The following TMEM63C variants were observed in gnomAD, a reference collection of about 807,000 sequenced individuals.
TMEM63C encodes the protein transmembrane protein 63C, also known as osmosensitive cation channel TMEM63C.
A neutral mutation model predicts 99.2 loss-of-function variants in TMEM63C; 32 were observed. The observed-to-expected ratio is 0.32, with a 90% CI of 0.24 to 0.43. The LOEUF is 0.43. Among genes scored for constraint, TMEM63C ranks in the 20% least tolerant of loss-of-function variants. The pLI, the probability that TMEM63C is intolerant of heterozygous loss-of-function variation, is 1.00. For synonymous variants in TMEM63C, 376 were observed against 397.9 expected, an observed-to-expected ratio of 0.94 and a Z score of 0.66; for missense variants, 826 against 1,053.0, an observed-to-expected ratio of 0.78 and a Z score of 2.98.
intron 21 of TMEM63C, among the ~76,000 whole-genome samples, chr14:77,251,110 AG>A (rs968763250): frequency 6.6e-6 from 1 of 152,218 alleles, no homozygotes; most frequent in African/African-American, 2.4e-5. Context: ...GCAATTTCCT[AG>A]GTTGTTAAAA....
At chr14:77,191,316 C>G (rs1888100056) in intron 1 of TMEM63C, among the ~76,000 whole-genome samples, 1 of 152,074 alleles carries the variant, frequency 6.6e-6, no homozygotes, top group Non-Finnish European at 1.5e-5. Context: ...TAGTAGTAAA[C>G]ACCACCATAT....
At chr14:77,196,503 A>G (rs980640315) in intron 1 of TMEM63C, among the ~76,000 whole-genome samples, 3 of 152,160 alleles carry the variant, frequency 2.0e-5, no homozygotes, top group African/African-American at 2.4e-5. Flanking sequence ...TTTGGTTAGG[A>G]TGTCCTCTGT....
At chr14:77,208,155 G>T (rs1888435743) in intron 1 of TMEM63C, among the ~76,000 whole-genome samples, 1 of 152,216 alleles carries the variant, frequency 6.6e-6, no homozygotes, top group Non-Finnish European at 1.5e-5. Flanking sequence ...AACCAGGACT[G>T]GGACATGATG....
At chr14:77,202,833 A>T (rs1341378219) in intron 1 of TMEM63C, among the ~76,000 whole-genome samples, 1 of 22,494 alleles carries the variant, frequency 4.4e-5, no homozygotes, top group Non-Finnish European at 8.8e-5. Context: ...GCGCACACAC[A>T]CACACACACA....
chr14:77,190,362 GTTAT>G (rs1381206640), intron 1 of TMEM63C, among the ~76,000 whole-genome samples: 4 of 152,224 alleles, frequency 2.6e-5, no homozygotes, highest in African/African-American at 7.2e-5. Flanking sequence ...TAATGCCAAT[GTTAT>G]TTAAACTGCA....
At chr14:77,242,603 C>T (rs991508800) in intron 14 of TMEM63C, 134 bp downstream of exon 14, 2 of 1,249,982 alleles carry the variant, frequency 1.6e-6, no homozygotes, top group East Asian at 4.6e-5. Flanking sequence ...CTCTCCTAAG[C>T]ACCACAACCT....
intron 2 of TMEM63C, among the ~76,000 whole-genome samples, chr14:77,213,912 A>G (rs952475881): frequency 2.0e-5 from 3 of 152,176 alleles, no homozygotes; most frequent in African/African-American, 7.2e-5. Flanking sequence ...GGATCCTGCT[A>G]GATGCTAATC....
chr14:77,249,010 G>T, intron 20 of TMEM63C, 138 bp downstream of exon 20: 1 of 864,842 alleles, frequency 1.2e-6, no homozygotes, highest in Admixed American at 1.9e-5. Flanking sequence ...GGCCAAGCTG[G>T]GGGTACAGGG....
intron 16 of TMEM63C, among the ~76,000 whole-genome samples, chr14:77,245,106 C>T (rs1889247020): frequency 6.6e-6 from 1 of 152,230 alleles, no homozygotes; most frequent in Non-Finnish European, 1.5e-5. Context: ...AAGGTTTGTC[C>T]TAACGGAAAT....
At chr14:77,221,436 A>C (rs1012714886) in intron 5 of TMEM63C, among the ~76,000 whole-genome samples, 74 of 3,648 alleles carry the variant, frequency 0.02, no homozygotes, top group Admixed American at 0.028. Flanking sequence ...TCCCCTCCCC[A>C]CTCACCTCCC....
chr14:77,241,684 C>T (rs1007239068), intron 13 of TMEM63C, among the ~76,000 whole-genome samples: 9 of 152,206 alleles, frequency 5.9e-5, no homozygotes, highest in African/African-American at 9.7e-5. Flanking sequence ...GATATCTGTC[C>T]TGTTCACCTC....
intron 5 of TMEM63C, among the ~76,000 whole-genome samples, chr14:77,223,077 C>A (rs1888754308): frequency 6.6e-6 from 1 of 152,138 alleles, no homozygotes; most frequent in African/African-American, 2.4e-5. Flanking sequence ...TAGAATCTGC[C>A]CTCTCCAAAG....
chr14:77,237,332 C>G (rs934970123), intron 9 of TMEM63C, among the ~76,000 whole-genome samples: 1 of 152,088 alleles, frequency 6.6e-6, no homozygotes, highest in Non-Finnish European at 1.5e-5. Context: ...AGATCAGAGA[C>G]CCCCGTGTAT....
At chr14:77,234,447 A>C (rs930101311) in intron 8 of TMEM63C, among the ~76,000 whole-genome samples, 2 of 152,150 alleles carry the variant, frequency 1.3e-5, no homozygotes, top group Non-Finnish European at 2.9e-5. Flanking sequence ...CGAGGTACCT[A>C]CATCTTCCCA....
intron 6 of TMEM63C, among the ~76,000 whole-genome samples, chr14:77,227,038 G>A (rs1182084160): frequency 6.6e-6 from 1 of 152,180 alleles, no homozygotes; most frequent in East Asian, 1.9e-4. Flanking sequence ...AAAGTGCTGG[G>A]ATTACAGGCA....
chr14:77,248,774 C>A lies in TMEM63C; in HGVS notation c.1772C>A (p.Ala591Asp). The A allele has an allele frequency of 6.2e-7, 1 of 1,614,008 alleles. No homozygotes were observed. Among genetic ancestry groups the A allele is most frequent in the East Asian group, 2.2e-5 (1 of 44,888 alleles). The change falls in exon 20 of 24, where the codon GCC (alanine) becomes GAC (aspartate). Residue 591 changes from alanine to aspartate, a missense_variant. Coordinates refer to ENST00000298351, the MANE Select transcript of TMEM63C (RefSeq NM_020431.4). ...ACCTGCCTTCTGCCCCAGAACCAGG[C>A]CATAGACTTCCAGTTTGGGCGTGAG... is the stretch of plus-strand genomic sequence containing the variant. ...PERVNIRKNQ[A>D]IDFQFGREYA...
At chr14:77,201,984 C>T (rs1388454089) in intron 1 of TMEM63C, among the ~76,000 whole-genome samples, 1 of 152,190 alleles carries the variant, frequency 6.6e-6, no homozygotes, top group Non-Finnish European at 1.5e-5. Context: ...GACGCTGCTC[C>T]CACCTGCTCT....
intron 12 of TMEM63C, 45 bp from the exon 13 acceptor site, chr14:77,240,430 T>A (rs1291576846): frequency 1.3e-6 from 2 of 1,574,786 alleles, no homozygotes; most frequent in Middle Eastern, 1.7e-4. Flanking sequence ...AGGGAGGCCT[T>A]CCTGGGGCTC....
intron 1 of TMEM63C, among the ~76,000 whole-genome samples, chr14:77,183,193 G>C (rs1229127449): frequency 6.6e-6 from 1 of 152,066 alleles, no homozygotes; most frequent in East Asian, 1.9e-4. Flanking sequence ...GGTGGAGTGA[G>C]TTCTCCAGGT....
Sources: allele counts gnomAD v4.1 joint callset (sites outside exome capture counted in the v4.1 genomes callset), GRCh38; gene constraint gnomAD v4.1.1; transcripts MANE v1.5; gene names NCBI Gene and HGNC (gene_info 2026-07-23, HGNC 2026-07-21).